Variants in DMD observed in about 807,000 individuals in gnomAD.
DMD encodes dystrophin, also known as mutant dystrophin.
A neutral mutation model predicts 330.1 loss-of-function variants in DMD; 63 were observed. That is an observed-to-expected ratio of 0.19 (90% CI 0.16 to 0.24). The LOEUF is 0.24. Ranked by LOEUF, DMD falls within the 10% of genes least tolerant of loss-of-function variation. DMD has a pLI of 1.00. For missense variants in DMD, 3,344 were observed against 2,684.1 expected (o/e 1.25, Z -5.43); for synonymous variants, 1,223 against 959.8 (o/e 1.27, Z -5.07).
chrX:32,396,437 T>C (rs897751609), intron 30 of DMD, among the ~76,000 whole-genome samples: 9 of 111,433 alleles, frequency 8.1e-5, no homozygotes, highest in Non-Finnish European at 1.7e-4. Context: ...TGATTAGAGA[T>C]AAAATTTTCT....
chrX:32,956,319 T>G (rs1000019944), intron 2 of DMD, among the ~76,000 whole-genome samples: 8 of 112,104 alleles, frequency 7.1e-5, no homozygotes, highest in African/African-American at 2.6e-4. Context: ...GTTTTTCCAT[T>G]TGTTTCTGTC....
intron 7 of DMD, among the ~76,000 whole-genome samples, chrX:32,808,861 GTTA>G (rs200048391): frequency 2.0e-3 from 221 of 111,841 alleles, no homozygotes; most frequent in African/African-American, 6.6e-3. Context: ...AGGTCACAGT[GTTA>G]TTATCTCTGT....
chrX:32,411,424 C>T (rs985600972), intron 30 of DMD, among the ~76,000 whole-genome samples: 5 of 111,223 alleles, frequency 4.5e-5, no homozygotes, highest in African/African-American at 1.6e-4. Flanking sequence ...CCACCACACC[C>T]GGCCAAAAAA....
intron 4 of DMD, among the ~76,000 whole-genome samples, chrX:32,840,295 T>A (rs931798351): frequency 1.8e-5 from 2 of 112,100 alleles, no homozygotes; most frequent in Non-Finnish European, 3.8e-5. Flanking sequence ...TGGCCTTCCC[T>A]GAAGAGATTC....
At position 32,616,431 on chromosome X, in the gene DMD, T is replaced by C. The variant is rs182707193; in HGVS notation, c.1332-1978A>G. On this transcript the variant is annotated intron_variant, in intron 11 of 78. Coordinates refer to ENST00000357033, the MANE Select transcript of DMD (RefSeq NM_004006.3). ...TATTTATTTACATAGCATGGACTCATGTATAGTTATTTGATACTTTGGGCT... is the reference window on the plus strand; with the variant it reads ...TATTTATTTACATAGCATGGACTCACGTATAGTTATTTGATACTTTGGGCT... Among the ~76,000 whole-genome samples the C allele has an allele frequency of 3.2e-3, 359 of 111,267 alleles. 2 individuals carry two copies. The highest frequency in any genetic ancestry group is 0.011 in the African/African-American group (342 of 30,782).
chrX:32,556,036 C>A (rs2050260642), intron 16 of DMD, among the ~76,000 whole-genome samples: 1 of 111,704 alleles, frequency 9.0e-6, no homozygotes, highest in Admixed American at 9.5e-5. Context: ...AATAAACAGC[C>A]TACAGAATGG....
intron 2 of DMD, among the ~76,000 whole-genome samples, chrX:32,856,199 C>T (rs1445744436): frequency 8.9e-6 from 1 of 111,918 alleles, no homozygotes; most frequent in Admixed American, 9.5e-5. Flanking sequence ...AACCTTGGTA[C>T]ATCGTTGTTG....
intron 55 of DMD, among the ~76,000 whole-genome samples, chrX:31,593,782 T>A (rs756686586): frequency 5.3e-4 from 58 of 110,476 alleles, no homozygotes; most frequent in African/African-American, 1.8e-3. Flanking sequence ...AAATCATTGT[T>A]AAAGTGAAAA....
intron 71 of DMD, among the ~76,000 whole-genome samples, 179 bp from the exon 72 acceptor site, chrX:31,173,783 A>C (rs1286809495): frequency 8.9e-6 from 1 of 112,004 alleles, no homozygotes; most frequent in East Asian, 2.8e-4. Context: ...TCCAGGATTG[A>C]GAGATGATTT....
chrX:32,987,532 A>G (rs1397801762), intron 2 of DMD, among the ~76,000 whole-genome samples: 1 of 111,818 alleles, frequency 8.9e-6, no homozygotes, highest in African/African-American at 3.2e-5. Context: ...ACACCTAAGT[A>G]TACATAGTCC....
intron 4 of DMD, among the ~76,000 whole-genome samples, chrX:32,832,505 ATTTGCTT>A (rs912791765): frequency 1.8e-5 from 2 of 111,261 alleles, no homozygotes; most frequent in Admixed American, 1.9e-4. Context: ...GATAAACAGA[ATTTGCTT>A]TTTAAACATG....
intron 7 of DMD, among the ~76,000 whole-genome samples, chrX:32,748,772 T>C (rs2070415704): frequency 8.9e-6 from 1 of 112,362 alleles, no homozygotes; most frequent in Non-Finnish European, 1.9e-5. Context: ...AGCTTATACA[T>C]GTGAACAAAT....
chrX:31,687,529 C>A (rs1218756240), intron 52 of DMD, among the ~76,000 whole-genome samples: 1 of 111,671 alleles, frequency 9.0e-6, no homozygotes, highest in Admixed American at 9.5e-5. Flanking sequence ...GGAGGCCAAG[C>A]AGAACCCTCA....
At chrX:32,790,445 T>G (rs1414960064) in intron 7 of DMD, among the ~76,000 whole-genome samples, 2 of 111,619 alleles carry the variant, frequency 1.8e-5, no homozygotes, top group Non-Finnish European at 3.8e-5. Flanking sequence ...TGCAAAGGCA[T>G]TGCTTCACGG....
chrX:33,052,913 A>C (rs1394991305), intron 1 of DMD, among the ~76,000 whole-genome samples: 1 of 111,906 alleles, frequency 8.9e-6, no homozygotes, highest in African/African-American at 3.2e-5. Flanking sequence ...GTATCAAAAT[A>C]TCTCATGTGC....
intron 2 of DMD, among the ~76,000 whole-genome samples, chrX:32,984,940 AAATATTAG>A (rs1230246599): frequency 8.9e-6 from 1 of 111,863 alleles, no homozygotes; most frequent in Non-Finnish European, 1.9e-5. Flanking sequence ...CTTCCACTAG[AAATATTAG>A]AATTGTCACT....
chrX:31,260,175 G>A (rs2050370061), intron 63 of DMD, among the ~76,000 whole-genome samples: 1 of 111,460 alleles, frequency 9.0e-6, no homozygotes, highest in South Asian at 3.8e-4. Context: ...CCAGGGGTTC[G>A]AGGCTGCAAT....
chrX:32,495,262 C>G (rs894095744), intron 19 of DMD, among the ~76,000 whole-genome samples: 11 of 111,782 alleles, frequency 9.8e-5, no homozygotes. Flanking sequence ...AATGTCTCCA[C>G]TGGCAGTATC....
chrX:32,662,890 C>T (rs955549279), intron 9 of DMD, among the ~76,000 whole-genome samples: 1 of 111,784 alleles, frequency 8.9e-6, no homozygotes, highest in Non-Finnish European at 1.9e-5. Context: ...TGGCAATTTT[C>T]CTTGAGTGAT....
Sources: gnomAD v4.1 joint callset for allele counts (sites outside exome capture counted in the v4.1 genomes callset) on GRCh38, gnomAD v4.1.1 for gene constraint, MANE v1.5 for transcripts, NCBI Gene and HGNC (gene_info 2026-07-23, HGNC 2026-07-21) for gene names.